Variants in RFLNA observed in about 807,000 individuals in gnomAD.
RFLNA encodes the protein refilin A.
Under a neutral mutation model 7.8 loss-of-function variants are expected in RFLNA, and 5 were observed. The observed-to-expected ratio is 0.64, with a 90% CI of 0.34 to 1.35. RFLNA has a LOEUF of 1.35. RFLNA is among the 40% of genes most tolerant of loss of function. The pLI is 0.04. For missense variants in RFLNA, 278 were observed against 305.5 expected, an observed-to-expected ratio of 0.91 and a Z score of 0.67; for synonymous variants, 141 against 131.3, an observed-to-expected ratio of 1.07 and a Z score of -0.50.
chr12:124,309,434 C>T (rs2034197815), intron 1 of RFLNA, among the ~76,000 whole-genome samples: 1 of 152,244 alleles, frequency 6.6e-6, no homozygotes, highest in Admixed American at 6.5e-5. Context: ...GTACAGAGCG[C>T]AGTGCCGGCA....
chr12:124,291,193 C>G (rs948807623), upstream of RFLNA, among the ~76,000 whole-genome samples: 1 of 152,202 alleles, frequency 6.6e-6, no homozygotes, highest in Non-Finnish European at 1.5e-5. Context: ...CAGGCAGTCA[C>G]TTAACCTCTC....
chr12:124,309,851 A>G (rs2034207010), intron 1 of RFLNA, among the ~76,000 whole-genome samples: 1 of 152,192 alleles, frequency 6.6e-6, no homozygotes, highest in South Asian at 2.1e-4. Flanking sequence ...CCACACCTCA[A>G]GGAGAACATC....
chr12:124,302,249 A>G (rs2034051207), intron 1 of RFLNA, among the ~76,000 whole-genome samples: 1 of 152,202 alleles, frequency 6.6e-6, no homozygotes, highest in Non-Finnish European at 1.5e-5. Context: ...TGGGGGACAC[A>G]AGGCAGGCCA....
At position 124,315,141 on chromosome 12, in the gene RFLNA, A is replaced by C; in HGVS notation, c.*616A>C. 5.7e-6 allele frequency: 1 copy of C among 176,432 alleles called. No individual in the cohort carries two copies. Among genetic ancestry groups the C allele is most frequent in the Non-Finnish European group, 1.2e-5 (1 of 82,488 alleles). 10.9% of individuals were successfully genotyped at this position (176,432 alleles called of 1,614,324 possible). ...TGGGCAAAGGCCGGATGCTGATGCC[A>C]GCGCTGGAGGTGGTGATACTGGGGG... is the stretch of plus-strand genomic sequence containing the variant. On this transcript the variant is annotated 3_prime_UTR_variant, in exon 3 of 3. Transcript: ENST00000546355.
rs1189397295 is a variant in RFLNA, at chr12:124,314,810, C to T, written c.*285C>T. The T allele has an allele frequency of 4.6e-5, 29 of 632,218 alleles. No individual in the cohort carries two copies. Among genetic ancestry groups the T allele is most frequent in the South Asian group, 7.6e-5 (5 of 65,852 alleles). 39.2% of individuals were successfully genotyped at this position (632,218 alleles called of 1,614,324 possible). ...GCATGCACTGTTAGGTGGTGGCCAC[C>T]CCCAGGGTCAGGGGAAAAGAATGGG... On this transcript the variant is annotated 3_prime_UTR_variant, in exon 3 of 3. Transcript: ENST00000546355.
intron 1 of RFLNA, among the ~76,000 whole-genome samples, chr12:124,305,863 G>A (rs1442501985): frequency 6.6e-6 from 1 of 152,158 alleles, no homozygotes; most frequent in Non-Finnish European, 1.5e-5. Flanking sequence ...GAAGGGAGCA[G>A]CTGCCTCTCT....
chr12:124,294,887 T>C (rs1296019341), upstream of RFLNA, among the ~76,000 whole-genome samples: 2 of 152,230 alleles, frequency 1.3e-5, no homozygotes, highest in Non-Finnish European at 2.9e-5. Context: ...GCACCCTCGG[T>C]GCGCCAGTGT....
Position 124,306,111 on chromosome 12 carries a change from G to A in RFLNA, c.208-5707G>A, listed in dbSNP as rs1469040823. 6.6e-6 allele frequency among the ~76,000 whole-genome samples: 1 copy of A among 152,134 alleles called. No homozygotes were observed. The highest frequency in any genetic ancestry group is 1.9e-4 in the East Asian group (1 of 5,176). On this transcript the variant is annotated intron_variant, in intron 1 of 2. Coordinates refer to ENST00000546355, the MANE Select transcript of RFLNA (RefSeq NM_001365156.1). The surrounding 1 kb of genome is among the most constrained non-coding windows in gnomAD (Gnocchi z 5.2). ...CCCATACTCGGGGCTCTCTGGGTTGGGGCAGGGGCTGCTTTGCAGGTGTGG... is the reference window on the plus strand; with the variant it reads ...CCCATACTCGGGGCTCTCTGGGTTGAGGCAGGGGCTGCTTTGCAGGTGTGG...
At chr12:124,299,651 A>G (rs11836438) in intron 1 of RFLNA, among the ~76,000 whole-genome samples, 9,943 of 152,308 alleles carry the variant, frequency 0.065, 396 homozygotes, top group South Asian at 0.096. Flanking sequence ...AATGGTCTCC[A>G]ATTCCATCCA....
At chr12:124,296,532 G>T (rs548464672) in intron 1 of RFLNA, among the ~76,000 whole-genome samples, 44 of 145,796 alleles carry the variant, frequency 3.0e-4, no homozygotes, top group African/African-American at 1.0e-3. Flanking sequence ...CAGCTTTACT[G>T]CTGGGGCGTG....
chr12:124,293,594 T>C (rs924428703), upstream of RFLNA, among the ~76,000 whole-genome samples: 1 of 152,156 alleles, frequency 6.6e-6, no homozygotes, highest in Non-Finnish European at 1.5e-5. Context: ...CGTAGTCCCA[T>C]TGTTTTTTTC....
At position 124,314,654 on chromosome 12, in the gene RFLNA, C is replaced by A; in HGVS notation, c.*129C>A. 6.8e-7 allele frequency: 1 copy of A among 1,467,570 alleles called. No homozygotes were observed. The highest frequency in any genetic ancestry group is 9.2e-7 in the Non-Finnish European group (1 of 1,085,192). The allele number at this position is 1,467,570 out of a possible 1,614,324, so 90.9% of individuals were successfully genotyped here. On this transcript the variant is annotated 3_prime_UTR_variant, in exon 3 of 3. Transcript: ENST00000546355. Reference sequence around the variant, plus strand: ...GAAGGGAGGCTGCCAGACCAAGGACCCGTGTGGAAGGAGGCGGCTCCCCGC... The same window carrying A: ...GAAGGGAGGCTGCCAGACCAAGGACACGTGTGGAAGGAGGCGGCTCCCCGC...
intron 1 of RFLNA, among the ~76,000 whole-genome samples, chr12:124,304,554 G>A (rs2034105550): frequency 6.6e-6 from 1 of 152,254 alleles, no homozygotes; most frequent in Non-Finnish European, 1.5e-5. Flanking sequence ...GGTATCCGGA[G>A]GGTTTGGCAG....
At chr12:124,300,385 C>A (rs532739675) in intron 1 of RFLNA, among the ~76,000 whole-genome samples, 1 of 152,350 alleles carries the variant, frequency 6.6e-6, no homozygotes, top group South Asian at 2.1e-4. Context: ...TCCCTAAGAA[C>A]TCCCCTGGGG....
intron 1 of RFLNA, among the ~76,000 whole-genome samples, chr12:124,304,947 A>G (rs1175111723): frequency 2.0e-5 from 3 of 152,178 alleles, no homozygotes; most frequent in African/African-American, 7.2e-5. Context: ...ACCTGCACGC[A>G]CTTGGGAAAA....
intron 1 of RFLNA, among the ~76,000 whole-genome samples, chr12:124,296,910 A>G (rs1478717029): frequency 6.6e-6 from 1 of 152,202 alleles, no homozygotes; most frequent in African/African-American, 2.4e-5. Flanking sequence ...ATCATGCAGC[A>G]AATTTGAACT....
upstream of RFLNA, among the ~76,000 whole-genome samples, chr12:124,291,371 C>T (rs888905785): frequency 1.8e-4 from 28 of 152,286 alleles, no homozygotes; most frequent in African/African-American, 6.5e-4. Context: ...TCTCCTGCCT[C>T]AGCCTCCTGT....
chr12:124,302,582 A>G (rs1457468019), intron 1 of RFLNA, among the ~76,000 whole-genome samples: 1 of 152,142 alleles, frequency 6.6e-6, no homozygotes, highest in Non-Finnish European at 1.5e-5. Context: ...GGATTCGCCA[A>G]TAGCCAAGGC....
intron 1 of RFLNA, among the ~76,000 whole-genome samples, chr12:124,300,827 G>T (rs1336530495): frequency 1.3e-5 from 2 of 150,220 alleles, no homozygotes; most frequent in African/African-American, 2.5e-5. Context: ...CAGAAGAATG[G>T]GTGGATGGAT....
Sources: allele counts gnomAD v4.1 joint callset (sites outside exome capture counted in the v4.1 genomes callset), GRCh38; gene constraint gnomAD v4.1.1; non-coding constraint Gnocchi (gnomAD v3.1); transcripts MANE v1.5; gene names NCBI Gene and HGNC (gene_info 2026-07-23, HGNC 2026-07-21).